The following ABCC4 variants were observed in gnomAD, a reference collection of about 807,000 sequenced individuals.
ABCC4 encodes ATP binding cassette subfamily C member 4 (PEL blood group).
ABCC4 carries 102 observed loss-of-function variants against 168.5 expected under a neutral mutation model. The ratio of observed to expected loss-of-function variants is 0.61; its 90% CI spans 0.52 to 0.71. The LOEUF (loss-of-function observed/expected upper bound fraction) is 0.71, where lower values mean the gene tolerates loss of function less well. Ranked by LOEUF, ABCC4 falls within the 30% of genes least tolerant of loss-of-function variation. The pLI, the probability that ABCC4 is intolerant of heterozygous loss-of-function variation, is 0.00. For missense variants in ABCC4, 1,402 were observed against 1,605.8 expected, an observed-to-expected ratio of 0.87 and a Z score of 2.17; for synonymous variants, 617 against 590.7, an observed-to-expected ratio of 1.04 and a Z score of -0.65.
At chr13:95,147,476 T>C (rs1033661336) in intron 19 of ABCC4, among the ~76,000 whole-genome samples, 4 of 152,152 alleles carry the variant, frequency 2.6e-5, no homozygotes, top group Admixed American at 2.6e-4. Flanking sequence ...TGTAGAAAGA[T>C]TGCCCAGAAT....
At chr13:95,075,386 A>C in intron 22 of ABCC4, 46 bp downstream of exon 22, 1 of 1,612,014 alleles carries the variant, frequency 6.2e-7, no homozygotes, top group Non-Finnish European at 8.5e-7. Context: ...AGCCAGAAAA[A>C]GCAGCAGATC....
At chr13:95,170,507 C>T (rs11568663) in intron 14 of ABCC4, 25 bp downstream of exon 14, 166,398 of 1,505,726 alleles carry the variant, frequency 0.11, 10,516 homozygotes, top group Non-Finnish European at 0.13. Context: ...CTTGCAAGTT[C>T]GGGAGACCTC....
intron 14 of ABCC4, among the ~76,000 whole-genome samples, chr13:95,168,121 C>T (rs12427813): frequency 0.068 from 10,303 of 152,170 alleles, 459 homozygotes; most frequent in South Asian, 0.13. Context: ...CCCCCGACAC[C>T]CTGACCTCCC....
At chr13:95,264,309 G>A (rs2040611179) in intron 1 of ABCC4, among the ~76,000 whole-genome samples, 1 of 152,076 alleles carries the variant, frequency 6.6e-6, no homozygotes, top group African/African-American at 2.4e-5. Context: ...GCCATCCACG[G>A]TTGCTAAAAT....
At chr13:95,201,232 G>C (rs1289831522) in intron 8 of ABCC4, among the ~76,000 whole-genome samples, 2 of 152,120 alleles carry the variant, frequency 1.3e-5, no homozygotes, top group Admixed American at 6.6e-5. Context: ...CTATCTACAG[G>C]AACAGGAATT....
intron 19 of ABCC4, among the ~76,000 whole-genome samples, chr13:95,153,429 G>T (rs925892703): frequency 1.3e-5 from 2 of 152,146 alleles, no homozygotes; most frequent in African/African-American, 4.8e-5. Flanking sequence ...CATAGCCACG[G>T]ACATTAGACT....
chr13:95,176,223 CAGGGGGGGGGGGGG>C (rs1307844491), intron 13 of ABCC4, among the ~76,000 whole-genome samples: 8 of 10,560 alleles, frequency 7.6e-4, no homozygotes, highest in Non-Finnish European at 3.0e-3. Context: ...AAGCCGAGGG[CAGGGGGGGGGGGGG>C]GGGGGGGGTG....
chr13:95,292,631 C>T (rs759182848), intron 1 of ABCC4, among the ~76,000 whole-genome samples: 1 of 152,162 alleles, frequency 6.6e-6, no homozygotes, highest in African/African-American at 2.4e-5. Context: ...TTCTGGCATT[C>T]GAATCTAAAG....
rs749965064 is a variant in ABCC4, at chr13:95,094,733, AAC to A, written c.2536-11445_2536-11444del. Among the ~76,000 whole-genome samples, 150 of 152,340 alleles carry A rather than the reference AAC, an allele frequency of 9.8e-4. 1 individual carries two copies. Among genetic ancestry groups the A allele is most frequent in the Non-Finnish European group, 1.9e-3 (129 of 68,030 alleles). ...GGCACATTCAGCAGAGTGAAGAGAC[AAC>A]ACACAGAGTGGGAGTAAATCTTCAC... On this transcript the variant is annotated intron_variant, in intron 20 of 30. Coordinates refer to ENST00000645237, the MANE Select transcript of ABCC4 (RefSeq NM_005845.5).
chr13:95,198,873 C>A (rs1178690471), intron 8 of ABCC4, among the ~76,000 whole-genome samples: 1 of 152,180 alleles, frequency 6.6e-6, no homozygotes, highest in Non-Finnish European at 1.5e-5. Context: ...AAACCAAACC[C>A]TGCATGTTCT....
chr13:95,163,087 C>A, intron 18 of ABCC4, 35 bp downstream of exon 18: 2 of 1,463,822 alleles, frequency 1.4e-6, no homozygotes, highest in East Asian at 4.5e-5. Context: ...AGCACCTCAG[C>A]CTCTCATACA....
chr13:95,079,954 A>G (rs2034034291), intron 21 of ABCC4, among the ~76,000 whole-genome samples: 1 of 152,250 alleles, frequency 6.6e-6, no homozygotes, highest in South Asian at 2.1e-4. Context: ...CTGTGCTTTT[A>G]ATCTGAGCCA....
At position 95,194,880 on chromosome 13, in the gene ABCC4, T is replaced by C. The variant is rs2038367208; in HGVS notation, c.1219A>G (p.Lys407Glu). Residue 407 changes from lysine (K) to glutamate (E), a missense_variant, in exon 9 of 31, where the codon AAA (lysine) becomes GAA (glutamate). This residue lies in a region of ABCC4 where 1,007 missense variants were observed against 1,127.3 expected (regional missense o/e 0.89). Coordinates refer to ENST00000645237, the MANE Select transcript of ABCC4 (RefSeq NM_005845.5). ...QRNRQLPSDG[K>E]KMVHVQDFTA... Reference sequence around the variant, plus strand: ...AAATCCTGCACATGCACCATCTTTTTACCATCTGACGGCAGCTGACGGTTG... The same window carrying C: ...AAATCCTGCACATGCACCATCTTTTCACCATCTGACGGCAGCTGACGGTTG... 7 of 1,614,062 alleles carry C rather than the reference T, an allele frequency of 4.3e-6. No homozygotes were observed. The highest frequency in any genetic ancestry group is 1.7e-5 in the Admixed American group (1 of 60,006).
At chr13:95,150,136 G>A (rs2036626191) in intron 19 of ABCC4, among the ~76,000 whole-genome samples, 1 of 152,086 alleles carries the variant, frequency 6.6e-6, no homozygotes, top group East Asian at 1.9e-4. Flanking sequence ...ACTGTGCACA[G>A]CTAATTTTTT....
At chr13:95,042,762 C>T (rs1051834641) in intron 29 of ABCC4, among the ~76,000 whole-genome samples, 4 of 152,184 alleles carry the variant, frequency 2.6e-5, no homozygotes, top group Non-Finnish European at 5.9e-5. Flanking sequence ...ACTTGTCTGC[C>T]AAGTTCTGTC....
At chr13:95,167,174 T>C (rs1038261593) in intron 14 of ABCC4, among the ~76,000 whole-genome samples, 2 of 132,678 alleles carry the variant, frequency 1.5e-5, no homozygotes, top group African/African-American at 6.2e-5. Context: ...CGAAACTCCA[T>C]CTCATAAATA....
intron 1 of ABCC4, among the ~76,000 whole-genome samples, chr13:95,269,008 T>C (rs1379123046): frequency 1.3e-5 from 2 of 152,138 alleles, no homozygotes; most frequent in African/African-American, 4.8e-5. Context: ...CCTTCACTAA[T>C]AGGCTAGGAA....
chr13:95,149,227 GA>G (rs2036596555), intron 19 of ABCC4, among the ~76,000 whole-genome samples: 1 of 152,174 alleles, frequency 6.6e-6, no homozygotes, highest in Non-Finnish European at 1.5e-5. Context: ...GATCACTCAT[GA>G]TCCTGAAATG....
intron 10 of ABCC4, among the ~76,000 whole-genome samples, chr13:95,187,626 C>T (rs1004324710): frequency 3.3e-5 from 5 of 152,018 alleles, no homozygotes; most frequent in South Asian, 2.1e-4. Flanking sequence ...TACATACATA[C>T]GTGAATAAAT....
Sources: gnomAD v4.1 joint callset for allele counts (sites outside exome capture counted in the v4.1 genomes callset) on GRCh38, gnomAD v4.1.1 for gene constraint, gnomAD v4.1.1 regional missense constraint, MANE v1.5 for transcripts, NCBI Gene and HGNC (gene_info 2026-07-23, HGNC 2026-07-21) for gene names.